MDGA2: variants seen among roughly 807,000 people sequenced by gnomAD.
The protein encoded by MDGA2 is MAM domain containing glycosylphosphatidylinositol anchor 2.
Under a neutral mutation model 117.8 loss-of-function variants are expected in MDGA2, and 40 were observed. That is an observed-to-expected ratio of 0.34 (90% CI 0.26 to 0.44). The LOEUF (loss-of-function observed/expected upper bound fraction) is 0.44. Among genes scored for constraint, MDGA2 ranks in the 20% least tolerant of loss-of-function variants. MDGA2 has a pLI of 1.00. For synonymous variants in MDGA2, 452 were observed against 439.0 expected (o/e 1.03, Z -0.37); for missense variants, 1,123 against 1,250.6 (o/e 0.90, Z 1.54).
At chr14:47,328,552 T>A (rs1890207106) in intron 1 of MDGA2, among the ~76,000 whole-genome samples, 1 of 152,180 alleles carries the variant, frequency 6.6e-6, no homozygotes, top group African/African-American at 2.4e-5. Context: ...ACACTGTACG[T>A]GCTCACAGCC....
Position 46,855,818 on chromosome 14 carries a change from T to C in MDGA2, c.2753-664A>G, listed in dbSNP as rs1041700272. 1.4e-4 allele frequency among the ~76,000 whole-genome samples: 22 copies of C among 152,250 alleles called. No homozygotes were observed. The highest frequency in any genetic ancestry group is 4.6e-4 in the African/African-American group (19 of 41,546). On this transcript the variant is annotated intron_variant, in intron 14 of 16. Coordinates refer to ENST00000399232, the MANE Select transcript of MDGA2 (RefSeq NM_001113498.3). The surrounding 1 kb of genome is among the most constrained non-coding windows in gnomAD (Gnocchi z 4.1). ...CATGTACTGAATAACTTGCTCAGAG[T>C]TGGACTCTAATTCTGTCGTCTTATA...
chr14:47,480,558 C>T (rs12433991), intron 1 of MDGA2, among the ~76,000 whole-genome samples: 17,918 of 151,820 alleles, frequency 0.12, 1,263 homozygotes, highest in Non-Finnish European at 0.14. Context: ...TAAAATACAA[C>T]ATATTGTTTA....
intron 2 of MDGA2, among the ~76,000 whole-genome samples, chr14:47,242,999 G>A (rs1398633725): frequency 5.9e-5 from 9 of 151,394 alleles, no homozygotes; most frequent in South Asian, 2.1e-4. Context: ...AGGTTTGTGA[G>A]TGCACCAGTC....
chr14:47,293,561 A>G (rs2139783036), intron 2 of MDGA2, among the ~76,000 whole-genome samples: 1 of 152,280 alleles, frequency 6.6e-6, no homozygotes, highest in African/African-American at 2.4e-5. Context: ...ATAGCTTATA[A>G]TTATTAAGTT....
chr14:47,661,789 T>C (rs1229007872), intron 1 of MDGA2, among the ~76,000 whole-genome samples: 9 of 148,328 alleles, frequency 6.1e-5, no homozygotes, highest in African/African-American at 2.2e-4. Flanking sequence ...TTCGCTCTTG[T>C]TGCCCAGGAT....
At chr14:46,936,440 T>A (rs936066731) in intron 9 of MDGA2, among the ~76,000 whole-genome samples, 3 of 152,146 alleles carry the variant, frequency 2.0e-5, no homozygotes, top group Admixed American at 6.6e-5. Context: ...GGAGATGTTA[T>A]ATGAATTTGA....
chr14:47,559,425 T>G (rs1443621157), intron 1 of MDGA2, among the ~76,000 whole-genome samples: 2 of 152,236 alleles, frequency 1.3e-5, no homozygotes, highest in Admixed American at 6.5e-5. Context: ...AAGGACATGA[T>G]CTTGTTCTTT....
At chr14:47,621,950 T>C (rs750835530) in intron 1 of MDGA2, among the ~76,000 whole-genome samples, 2 of 152,242 alleles carry the variant, frequency 1.3e-5, no homozygotes, top group Non-Finnish European at 2.9e-5. Context: ...AATTAACATG[T>C]AATGTTGGTT....
chr14:47,245,456 T>C (rs757897498), intron 2 of MDGA2, among the ~76,000 whole-genome samples: 11 of 151,838 alleles, frequency 7.2e-5, no homozygotes, highest in Non-Finnish European at 1.2e-4. Flanking sequence ...TACATGGGTT[T>C]TCGACTGTGT....
chr14:47,614,982 C>A (rs1896923215), intron 1 of MDGA2, among the ~76,000 whole-genome samples: 1 of 151,994 alleles, frequency 6.6e-6, no homozygotes, highest in African/African-American at 2.4e-5. Flanking sequence ...TTGGCAGTCA[C>A]AAAGTAGATT....
chr14:47,662,883 T>G (rs1205267858), intron 1 of MDGA2, among the ~76,000 whole-genome samples: 1 of 152,176 alleles, frequency 6.6e-6, no homozygotes, highest in Non-Finnish European at 1.5e-5. Context: ...GACAAGTATA[T>G]TTAGATAAAT....
chr14:47,309,749 T>G (rs1013776856), intron 1 of MDGA2, among the ~76,000 whole-genome samples: 1 of 152,178 alleles, frequency 6.6e-6, no homozygotes, highest in Admixed American at 6.6e-5. Context: ...TAATTTAATT[T>G]GTTATTTAAA....
intron 7 of MDGA2, among the ~76,000 whole-genome samples, chr14:47,046,151 G>GATA (rs894699680): frequency 4.9e-5 from 7 of 144,292 alleles, no homozygotes; most frequent in Non-Finnish European, 7.6e-5. Context: ...CTTAAAGTAT[G>GATA]ATAATAATAA....
At chr14:47,006,446 AATT>A (rs890130772) in intron 8 of MDGA2, among the ~76,000 whole-genome samples, 118 of 147,672 alleles carry the variant, frequency 8.0e-4, no homozygotes, top group African/African-American at 2.8e-3. Context: ...TTTTAATTAT[AATT>A]ATAATTTTAA....
rs1392875738 is a variant in MDGA2 at position 47,129,697 on chromosome 14, C to T, written c.925+2017G>A. 6.9e-5 allele frequency among the ~76,000 whole-genome samples: 10 copies of T among 145,864 alleles called. No homozygotes were observed. The East Asian group carries it at 1.2e-3, about 17-fold the overall frequency. On this transcript the variant is annotated intron_variant, in intron 5 of 16. Coordinates refer to ENST00000399232, the MANE Select transcript of MDGA2 (RefSeq NM_001113498.3). The stretch of plus-strand genomic sequence containing the variant: ...CTTCCACAATGGTTGAACTAGTTTA[C>T]AGTCCCACCAACAGTGTAAAAGTGT...
At chr14:47,566,969 C>T (rs1173793623) in intron 1 of MDGA2, among the ~76,000 whole-genome samples, 2 of 151,494 alleles carry the variant, frequency 1.3e-5, no homozygotes, top group East Asian at 2.0e-4. Context: ...AATGCAGTGG[C>T]GTGATCACAG....
At chr14:46,856,280 C>T (rs940050877) in intron 14 of MDGA2, among the ~76,000 whole-genome samples, 2 of 152,036 alleles carry the variant, frequency 1.3e-5, no homozygotes, top group Non-Finnish European at 2.9e-5. Context: ...GCAAAATTTA[C>T]ATGCAATAAA....
chr14:47,638,357 G>A (rs1897361519), intron 1 of MDGA2, among the ~76,000 whole-genome samples: 1 of 152,076 alleles, frequency 6.6e-6, no homozygotes, highest in African/African-American at 2.4e-5. Flanking sequence ...ACAGTACCTA[G>A]AGTAATTTGT....
chr14:47,206,960 A>T, intron 3 of MDGA2, among the ~76,000 whole-genome samples: 1 of 152,088 alleles, frequency 6.6e-6, no homozygotes, highest in East Asian at 1.9e-4. Context: ...ATGAAAGTCC[A>T]CAAGTCTAAA....
Sources: allele counts gnomAD v4.1 joint callset (sites outside exome capture counted in the v4.1 genomes callset), GRCh38; gene constraint gnomAD v4.1.1; non-coding constraint Gnocchi (gnomAD v3.1); transcripts MANE v1.5; gene names NCBI Gene and HGNC (gene_info 2026-07-23, HGNC 2026-07-21).